The following ZNF804B variants were observed in gnomAD, a reference collection of about 807,000 sequenced individuals.
The protein encoded by ZNF804B is zinc finger 804B.
A neutral mutation model predicts 101.4 loss-of-function variants in ZNF804B; 80 were observed. The ratio of observed to expected loss-of-function variants is 0.79; its 90% CI spans 0.66 to 0.95. ZNF804B has a LOEUF of 0.95. Ranked by LOEUF, ZNF804B falls within the 40% of genes least tolerant of loss-of-function variation. The probability of loss-of-function intolerance (pLI) is 0.00; values close to 1 mark genes in which losing one functional copy is unlikely to be tolerated. For synonymous variants in ZNF804B, 622 were observed against 558.8 expected (o/e 1.11, Z -1.59); for missense variants, 1,673 against 1,561.9 (o/e 1.07, Z -1.20).
chr7:89,042,884 C>G (rs1319123341), intron 1 of ZNF804B, among the ~76,000 whole-genome samples: 1 of 152,124 alleles, frequency 6.6e-6, no homozygotes, highest in Non-Finnish European at 1.5e-5. Context: ...GAGATAGGAG[C>G]AGGTTTTTAA....
chr7:89,122,840 T>C (rs781696926), intron 1 of ZNF804B, among the ~76,000 whole-genome samples: 1 of 152,198 alleles, frequency 6.6e-6, no homozygotes, highest in Non-Finnish European at 1.5e-5. Context: ...TTATTTTCTC[T>C]GTCTAGTCAA....
At chr7:89,007,447 TA>T in intron 1 of ZNF804B, among the ~76,000 whole-genome samples, 2 of 14,816 alleles carry the variant, frequency 1.3e-4, no homozygotes, top group Non-Finnish European at 2.4e-4. Context: ...TCCATGATTT[TA>T]TATATATATA....
chr7:88,825,193 A>G (rs1232364992), intron 1 of ZNF804B, among the ~76,000 whole-genome samples: 1 of 152,058 alleles, frequency 6.6e-6, no homozygotes, highest in Non-Finnish European at 1.5e-5. Context: ...TGCATATCTC[A>G]TTTTCCAGAA....
intron 1 of ZNF804B, among the ~76,000 whole-genome samples, chr7:88,848,783 A>G (rs1335138704): frequency 6.6e-6 from 1 of 152,066 alleles, no homozygotes; most frequent in Admixed American, 6.6e-5. Context: ...ACACAAATAG[A>G]GGAACTAGTA....
intron 2 of ZNF804B, among the ~76,000 whole-genome samples, chr7:89,276,257 A>G (rs1223810857): frequency 6.6e-6 from 1 of 151,754 alleles, no homozygotes; most frequent in African/African-American, 2.4e-5. Flanking sequence ...AGGTGCAACA[A>G]AACACCATGG....
intron 1 of ZNF804B, among the ~76,000 whole-genome samples, chr7:88,841,403 G>T (rs1053224522): frequency 6.6e-6 from 1 of 152,104 alleles, no homozygotes; most frequent in African/African-American, 2.4e-5. Context: ...ACATAATAAA[G>T]CCACAATAAA....
At chr7:88,896,031 G>C (rs914417174) in intron 1 of ZNF804B, among the ~76,000 whole-genome samples, 10 of 152,094 alleles carry the variant, frequency 6.6e-5, no homozygotes, top group African/African-American at 2.2e-4. Context: ...GTAATGGACT[G>C]GGGGAGAGAT....
At chr7:88,877,946 C>T (rs1312312159) in intron 1 of ZNF804B, among the ~76,000 whole-genome samples, 2 of 151,998 alleles carry the variant, frequency 1.3e-5, no homozygotes, top group Non-Finnish European at 2.9e-5. Flanking sequence ...GAATATTCCT[C>T]ATTATTTCAG....
At position 89,336,232 on chromosome 7, in the gene ZNF804B, G is replaced by C; in HGVS notation, c.3250G>C (p.Gly1084Arg). The C allele has an allele frequency of 1.4e-5, 23 of 1,613,712 alleles. No individual in the cohort carries two copies. The highest frequency in any genetic ancestry group is 1.9e-5 in the Non-Finnish European group (23 of 1,179,948). The change falls in exon 4 of 4, where the codon GGT becomes CGT. Residue 1084 changes from glycine (G) to arginine (R), a missense_variant. Physicochemically the swap from Gly to Arg is moderately radical, Grantham distance 125 (BLOSUM62 -2). Transcript: ENST00000333190. Reference protein sequence around the residue: ...PGAFPSNKYTGVTDSTETQED... With the variant: ...PGAFPSNKYTRVTDSTETQED... ...TGCTTTTCCGTCTAATAAATATACTGGTGTGACTGATTCAACAGAGACCCA... is the reference window on the plus strand; with the variant it reads ...TGCTTTTCCGTCTAATAAATATACTCGTGTGACTGATTCAACAGAGACCCA...
intron 1 of ZNF804B, among the ~76,000 whole-genome samples, chr7:88,782,811 G>C (rs1790249703): frequency 6.6e-6 from 1 of 152,140 alleles, no homozygotes; most frequent in Non-Finnish European, 1.5e-5. Flanking sequence ...ACAGTATTCT[G>C]TGTAAATATC....
chr7:88,869,698 T>A (rs1179255884), intron 1 of ZNF804B, among the ~76,000 whole-genome samples: 1 of 152,136 alleles, frequency 6.6e-6, no homozygotes, highest in Non-Finnish European at 1.5e-5. Flanking sequence ...AGTATGAGAA[T>A]ATGTGTGGGG....
At chr7:89,176,645 C>T (rs1276488208) in intron 1 of ZNF804B, among the ~76,000 whole-genome samples, 7 of 117,284 alleles carry the variant, frequency 6.0e-5, no homozygotes, top group Admixed American at 2.1e-4. Context: ...TAGGGTAATA[C>T]TAGCCTCACT....
intron 1 of ZNF804B, among the ~76,000 whole-genome samples, chr7:88,814,241 A>G (rs1379127191): frequency 6.6e-6 from 1 of 152,174 alleles, no homozygotes; most frequent in Non-Finnish European, 1.5e-5. Context: ...CCAAAGATCA[A>G]ACAGCTTTAA....
At position 88,985,451 on chromosome 7, in the gene ZNF804B, C is replaced by T. The variant is rs376717346; in HGVS notation, c.108+225367C>T. Among the ~76,000 whole-genome samples the T allele has an allele frequency of 5.9e-5, 9 of 151,946 alleles. No individual in the cohort carries two copies. The South Asian group carries it at 6.2e-4, about 10-fold the overall frequency. On this transcript the variant is annotated intron_variant, in intron 1 of 3. Coordinates refer to ENST00000333190, the MANE Select transcript of ZNF804B (RefSeq NM_181646.5). ...TGTCTGTGGACTATTAGGACAGAAC[C>T]GCTTGTTTGAGATGCAAGGTCAGAG...
At chr7:89,016,878 T>C (rs1788572680) in intron 1 of ZNF804B, among the ~76,000 whole-genome samples, 1 of 152,208 alleles carries the variant, frequency 6.6e-6, no homozygotes, top group Non-Finnish European at 1.5e-5. Context: ...GTGAAGAAAG[T>C]CATTGGTAGC....
At chr7:88,857,289 C>CA (rs1352062483) in intron 1 of ZNF804B, among the ~76,000 whole-genome samples, 3 of 151,810 alleles carry the variant, frequency 2.0e-5, no homozygotes, top group East Asian at 1.9e-4. Flanking sequence ...AATAGAGACA[C>CA]AAAAAAACCC....
intron 1 of ZNF804B, among the ~76,000 whole-genome samples, chr7:88,769,552 A>T (rs961708347): frequency 1.3e-5 from 2 of 152,192 alleles, no homozygotes; most frequent in Admixed American, 1.3e-4. Context: ...GTATTTTTTC[A>T]TTGGTGGCAT....
At chr7:89,153,359 C>T (rs189309008) in intron 1 of ZNF804B, among the ~76,000 whole-genome samples, 172 of 151,456 alleles carry the variant, frequency 1.1e-3, no homozygotes, top group African/African-American at 3.9e-3. Context: ...TTGTGGCAGT[C>T]AGGGACCGGT....
intron 1 of ZNF804B, among the ~76,000 whole-genome samples, chr7:88,840,337 G>A (rs563689441): frequency 5.3e-5 from 8 of 152,028 alleles, no homozygotes; most frequent in African/African-American, 1.7e-4. Context: ...TCCTATTACC[G>A]GGTCCTCTGC....
Sources: gnomAD v4.1 joint callset for allele counts (sites outside exome capture counted in the v4.1 genomes callset) on GRCh38, gnomAD v4.1.1 for gene constraint, MANE v1.5 for transcripts, NCBI Gene and HGNC (gene_info 2026-07-23, HGNC 2026-07-21) for gene names.